Variants in HIPK2 observed in about 807,000 individuals in gnomAD.
HIPK2 encodes the protein homeodomain-interacting protein kinase 2.
In HIPK2, 27 loss-of-function variants were observed where a neutral mutation model predicts 113.7. That is an observed-to-expected ratio of 0.24 (90% CI 0.17 to 0.33). HIPK2 has a LOEUF of 0.33. HIPK2 is among the 10% of genes least tolerant of loss of function. The pLI, the probability that HIPK2 is intolerant of heterozygous loss-of-function variation, is 1.00. For synonymous variants in HIPK2, 631 were observed against 642.2 expected (o/e 0.98, Z 0.26); for missense variants, 1,257 against 1,588.0 (o/e 0.79, Z 3.54).
At chr7:139,732,391 C>T (rs1428579580) in intron 1 of HIPK2, among the ~76,000 whole-genome samples, 1 of 152,238 alleles carries the variant, frequency 6.6e-6, no homozygotes, top group African/African-American at 2.4e-5. Flanking sequence ...GAGCCACTTA[C>T]ACCCAGTGCT....
intron 2 of HIPK2, among the ~76,000 whole-genome samples, chr7:139,644,146 A>G (rs1801127822): frequency 6.6e-6 from 1 of 152,230 alleles, no homozygotes; most frequent in Non-Finnish European, 1.5e-5. Context: ...ATACTGCTCC[A>G]GGCTCTTTTT....
intron 2 of HIPK2, among the ~76,000 whole-genome samples, chr7:139,708,368 A>T (rs1256869689): frequency 6.6e-6 from 1 of 150,808 alleles, no homozygotes; most frequent in East Asian, 1.9e-4. Flanking sequence ...TACCTCAATA[A>T]ACTGTGTGTG....
chr7:139,600,307 C>A, intron 11 of HIPK2, 110 bp downstream of exon 11: 1 of 1,249,510 alleles, frequency 8.0e-7, no homozygotes, highest in East Asian at 2.5e-5. Context: ...GCCCCCATCC[C>A]ATGCAACTGT....
In HIPK2 at chr7:139,614,456, T is replaced by C. The variant is rs558445929; in HGVS notation, c.1820A>G (p.Asn607Ser). The change falls in exon 8 of 15, where the codon AAT becomes AGT. Residue 607 changes from asparagine (N) to serine (S), a missense_variant. Asn to Ser is a conservative substitution (Grantham distance 46). This residue lies in a region of HIPK2 where 862 missense variants were observed against 1,004.3 expected (regional missense o/e 0.86). Coordinates refer to ENST00000406875, the MANE Select transcript of HIPK2 (RefSeq NM_022740.5). ...GTAGTTTAGTATGGAGACTTCGGGA[T>C]TGGCTAAGGAAATAGTGGCACTGGT... is the stretch of plus-strand genomic sequence containing the variant. ...SSTSATISLA[N>S]PEVSILNYPS... 7.3e-5 allele frequency: 108 copies of C among 1,487,858 alleles called. No individual in the cohort carries two copies. The highest frequency in any genetic ancestry group is 1.8e-4 in the Middle Eastern group (1 of 5,550). The allele number at this position is 1,487,858 out of a possible 1,614,324, so 92.2% of individuals were successfully genotyped here.
intron 2 of HIPK2, among the ~76,000 whole-genome samples, chr7:139,665,040 T>TCTCTC (rs113498879): frequency 7.4e-4 from 97 of 131,632 alleles, no homozygotes; most frequent in African/African-American, 1.0e-3. Flanking sequence ...TTTCTCTCTC[T>TCTCTC]TTTTTTTTTT....
Position 139,631,468 on chromosome 7 carries a change from G to A in HIPK2, c.1227+134C>T, listed in dbSNP as rs1800614678. 1.4e-6 allele frequency: 2 copies of A among 1,445,482 alleles called. No individual in the cohort carries two copies. Among genetic ancestry groups the A allele is most frequent in the Admixed American group, 2.7e-5 (1 of 37,730 alleles). 89.5% of individuals were successfully genotyped at this position (1,445,482 alleles called of 1,614,324 possible). On this transcript the variant is annotated intron_variant, in intron 3 of 14. Coordinates refer to ENST00000406875, the MANE Select transcript of HIPK2 (RefSeq NM_022740.5). This position sits in a 1 kb window ranked among gnomAD's most constrained non-coding sequence, Gnocchi z 4.9. ...ATAAAGAAAAAATAGCAAGGTTAAGGGAAGCAAGGTTTGGGAGACAACGTG... is the reference window on the plus strand; with the variant it reads ...ATAAAGAAAAAATAGCAAGGTTAAGAGAAGCAAGGTTTGGGAGACAACGTG...
At chr7:139,689,160 A>T (rs1177670912) in intron 2 of HIPK2, among the ~76,000 whole-genome samples, 1 of 152,128 alleles carries the variant, frequency 6.6e-6, no homozygotes, top group Non-Finnish European at 1.5e-5. Context: ...GCAGCCACGG[A>T]CCCCACAGAG....
intron 2 of HIPK2, among the ~76,000 whole-genome samples, chr7:139,667,852 C>G (rs1031364603): frequency 6.6e-6 from 1 of 152,042 alleles, no homozygotes; most frequent in Non-Finnish European, 1.5e-5. Context: ...TGGCTGGGAG[C>G]GGTGGCTCGC....
chr7:139,745,349 T>C (rs190879404), intron 1 of HIPK2, among the ~76,000 whole-genome samples: 2 of 152,224 alleles, frequency 1.3e-5, no homozygotes, highest in Admixed American at 1.3e-4. Flanking sequence ...TGAGGAGTTC[T>C]GGATTTAGCA....
intron 9 of HIPK2, among the ~76,000 whole-genome samples, chr7:139,610,498 C>T (rs145404851): frequency 1.6e-3 from 245 of 152,240 alleles, no homozygotes; most frequent in African/African-American, 5.4e-3. Context: ...GCTACAAGGA[C>T]CCATTGGAGA....
intron 9 of HIPK2, 25 bp from the exon 10 acceptor site, chr7:139,604,248 T>A (rs775485024): frequency 2.5e-6 from 4 of 1,583,350 alleles, no homozygotes; most frequent in Non-Finnish European, 3.4e-6. Context: ...ACATGTGCAA[T>A]GACCATGTTT....
Position 139,600,484 on chromosome 7 carries a change from C to T in HIPK2, c.2368G>A (p.Val790Met), listed in dbSNP as rs891009217. The change falls in exon 11 of 15, where the codon GTG becomes ATG. Residue 790 changes from valine to methionine, a missense_variant. Physicochemically the swap from Val to Met is conservative, Grantham distance 21. Transcript: ENST00000406875. ...GTGCTGGTTGGCTGCTGCCGCATCA[C>T]GTGGGCCACACCCACATTTAAGGGC... ...AQPLNVGVAH[V>M]MRQQPTSTTS... The T allele has an allele frequency of 2.2e-5, 35 of 1,613,926 alleles. No individual in the cohort carries two copies. Among genetic ancestry groups the T allele is most frequent in the South Asian group, 2.2e-5 (2 of 91,094 alleles).
rs1317639785 is a variant in HIPK2 at position 139,567,638 on chromosome 7, A to C, written c.*5289T>G. 1 of 152,160 alleles carries C rather than the reference A, an allele frequency of 6.6e-6. No homozygotes were observed. Among genetic ancestry groups the C allele is most frequent in the Non-Finnish European group, 1.5e-5 (1 of 68,032 alleles). 9.4% of individuals were successfully genotyped at this position (152,160 alleles called of 1,614,324 possible). On this transcript the variant is annotated 3_prime_UTR_variant, in exon 15 of 15. Transcript: ENST00000406875. ...TCCCCATCAGAAGTCTGTAAAACAC[A>C]CCAGAAGGAAAAGACACAGACAGGG...
Position 139,572,632 on chromosome 7 carries a change from T to C in HIPK2, c.*295A>G, listed in dbSNP as rs1798319472. ...GACTTTTTTTTTTTCCTTTTTCTTTTTTAAAATAAAAACCATAGATTTCCC... is the reference window on the plus strand; with the variant it reads ...GACTTTTTTTTTTTCCTTTTTCTTTCTTAAAATAAAAACCATAGATTTCCC... On this transcript the variant is annotated 3_prime_UTR_variant, in exon 15 of 15. Transcript: ENST00000406875. 3.3e-6 allele frequency: 1 copy of C among 306,552 alleles called. No homozygotes were observed. The highest frequency in any genetic ancestry group is 2.1e-5 in the African/African-American group (1 of 46,578). 19.0% of individuals were successfully genotyped at this position (306,552 alleles called of 1,614,324 possible).
intron 2 of HIPK2, among the ~76,000 whole-genome samples, chr7:139,650,494 G>C (rs1369431920): frequency 6.0e-5 from 9 of 151,218 alleles, no homozygotes; most frequent in Non-Finnish European, 1.2e-4. Flanking sequence ...CTATTCTCAG[G>C]GTTGGACCAT....
chr7:139,632,057 T>A (rs1365990529), intron 2 of HIPK2, among the ~76,000 whole-genome samples: 1 of 152,252 alleles, frequency 6.6e-6, no homozygotes, highest in East Asian at 1.9e-4. Context: ...TCTGAAGTTA[T>A]CTTTTGTAGC....
chr7:139,699,865 G>A (rs989457185), intron 2 of HIPK2, among the ~76,000 whole-genome samples: 5 of 152,186 alleles, frequency 3.3e-5, no homozygotes, highest in Non-Finnish European at 7.3e-5. Flanking sequence ...GCCCTCCCGG[G>A]AGGCACACCC....
At chr7:139,601,230 G>A (rs1203677303) in intron 10 of HIPK2, among the ~76,000 whole-genome samples, 2 of 148,414 alleles carry the variant, frequency 1.3e-5, no homozygotes, top group African/African-American at 2.5e-5. Context: ...GTGACAGAGC[G>A]AGACACTGTC....
At chr7:139,722,742 C>T (rs1184951966) in intron 1 of HIPK2, among the ~76,000 whole-genome samples, 1 of 152,048 alleles carries the variant, frequency 6.6e-6, no homozygotes, top group Non-Finnish European at 1.5e-5. Context: ...AGAGCACCCT[C>T]CCTACTTTCA....
Sources: allele counts gnomAD v4.1 joint callset (sites outside exome capture counted in the v4.1 genomes callset), GRCh38; gene constraint gnomAD v4.1.1; regional missense constraint gnomAD v4.1.1; non-coding constraint Gnocchi (gnomAD v3.1); transcripts MANE v1.5; gene names NCBI Gene and HGNC (gene_info 2026-07-23, HGNC 2026-07-21).